The following ACVR1 variants were observed in gnomAD, a reference collection of about 807,000 sequenced individuals.
ACVR1 encodes the protein activin receptor type-1.
Under a neutral mutation model 57.1 loss-of-function variants are expected in ACVR1, and 38 were observed. The observed-to-expected ratio is 0.67, with a 90% CI of 0.51 to 0.87. The LOEUF (loss-of-function observed/expected upper bound fraction) is 0.87, where lower values mean the gene tolerates loss of function less well. Among genes scored for constraint, ACVR1 ranks in the 40% least tolerant of loss-of-function variants. The pLI, the probability that ACVR1 is intolerant of heterozygous loss-of-function variation, is 0.00. For synonymous variants in ACVR1, 212 were observed against 228.1 expected (o/e 0.93, Z 0.63); for missense variants, 463 against 638.2 (o/e 0.73, Z 2.96).
intron 5 of ACVR1, among the ~76,000 whole-genome samples, chr2:157,776,089 G>A (rs1686276031): frequency 6.6e-6 from 1 of 152,162 alleles, no homozygotes; most frequent in East Asian, 1.9e-4. Flanking sequence ...ATACAAATGA[G>A]CATATTGCTT....
chr2:157,853,801 G>T (rs1689409152), intron 1 of ACVR1, among the ~76,000 whole-genome samples: 1 of 152,154 alleles, frequency 6.6e-6, no homozygotes, highest in South Asian at 2.1e-4. Context: ...TTCCCAGCTG[G>T]TACTATGCTC....
At chr2:157,766,517 A>T (rs906134603) in intron 7 of ACVR1, among the ~76,000 whole-genome samples, 8 of 152,216 alleles carry the variant, frequency 5.3e-5, no homozygotes, top group African/African-American at 1.9e-4. Context: ...GCCCTTCAGC[A>T]TGTTGATATT....
intron 1 of ACVR1, among the ~76,000 whole-genome samples, chr2:157,859,436 T>A (rs1481475971): frequency 2.6e-5 from 4 of 152,222 alleles, no homozygotes; most frequent in African/African-American, 9.6e-5. Context: ...TGGGGGGCTA[T>A]GCCTATGGAG....
chr2:157,871,545 C>T (rs1690113851), intron 1 of ACVR1, among the ~76,000 whole-genome samples: 1 of 152,166 alleles, frequency 6.6e-6, no homozygotes, highest in African/African-American at 2.4e-5. Flanking sequence ...TTCCCAGTCA[C>T]AGAAATAAAG....
At chr2:157,784,355 A>G (rs550963529) in intron 3 of ACVR1, among the ~76,000 whole-genome samples, 1 of 152,354 alleles carries the variant, frequency 6.6e-6, no homozygotes, top group South Asian at 2.1e-4. Context: ...AACAGTACTG[A>G]CAGGAAGCAC....
At chr2:157,753,188 T>A (rs1448309818) in intron 9 of ACVR1, among the ~76,000 whole-genome samples, 2 of 152,084 alleles carry the variant, frequency 1.3e-5, no homozygotes, top group Admixed American at 1.3e-4. Context: ...AAACAAACTT[T>A]AAAGCAACAT....
chr2:157,794,701 A>G (rs1687038805), intron 3 of ACVR1, among the ~76,000 whole-genome samples: 1 of 152,210 alleles, frequency 6.6e-6, no homozygotes, highest in African/African-American at 2.4e-5. Flanking sequence ...GAAATTATGC[A>G]TGAAAGCTAG....
At chr2:157,773,616 C>T (rs1418030781) in intron 6 of ACVR1, among the ~76,000 whole-genome samples, 1 of 152,020 alleles carries the variant, frequency 6.6e-6, no homozygotes, top group Non-Finnish European at 1.5e-5. Flanking sequence ...GTATATAGCT[C>T]ATATTTAAAT....
chr2:157,851,500 A>G (rs931304286), intron 1 of ACVR1, among the ~76,000 whole-genome samples: 12 of 152,162 alleles, frequency 7.9e-5, no homozygotes, highest in African/African-American at 2.2e-4. Context: ...AGTGGAAGCT[A>G]TGGAGACATT....
At chr2:157,867,467 T>A (rs980555274) in intron 1 of ACVR1, among the ~76,000 whole-genome samples, 3 of 152,122 alleles carry the variant, frequency 2.0e-5, no homozygotes, top group African/African-American at 7.2e-5. Flanking sequence ...ACACCGAGCC[T>A]CAGTGTCTGG....
intron 1 of ACVR1, among the ~76,000 whole-genome samples, chr2:157,832,258 G>A (rs1463614034): frequency 6.6e-6 from 1 of 152,064 alleles, no homozygotes. Flanking sequence ...GCAAATCACC[G>A]CCAACTTCAG....
chr2:157,821,809 G>C (rs1208551097), intron 1 of ACVR1, among the ~76,000 whole-genome samples: 1 of 152,114 alleles, frequency 6.6e-6, no homozygotes, highest in East Asian at 1.9e-4. Flanking sequence ...CTCTAATTTT[G>C]GGCATTTAAC....
At chr2:157,873,274 C>T (rs1690170516) in intron 1 of ACVR1, among the ~76,000 whole-genome samples, 1 of 152,152 alleles carries the variant, frequency 6.6e-6, no homozygotes, top group Non-Finnish European at 1.5e-5. Context: ...CTGAAATTTG[C>T]CAAGCCTCAA....
At chr2:157,742,801 C>T (rs140243853) in intron 9 of ACVR1, among the ~76,000 whole-genome samples, 2 of 152,280 alleles carry the variant, frequency 1.3e-5, no homozygotes, top group African/African-American at 4.8e-5. Context: ...GATCTTGCCC[C>T]CGAGGTCCTG....
chr2:157,791,951 AT>A (rs967760253), intron 3 of ACVR1, among the ~76,000 whole-genome samples: 8 of 151,990 alleles, frequency 5.3e-5, no homozygotes, highest in Non-Finnish European at 1.2e-4. Flanking sequence ...ACTGTTGGTA[AT>A]TTTTTTTCTA....
intron 6 of ACVR1, among the ~76,000 whole-genome samples, chr2:157,772,909 G>A (rs1686126152): frequency 6.6e-6 from 1 of 152,160 alleles, no homozygotes; most frequent in African/African-American, 2.4e-5. Flanking sequence ...TGTGCCTTGG[G>A]GCAGCAGCCA....
intron 1 of ACVR1, among the ~76,000 whole-genome samples, chr2:157,820,454 G>A (rs946648291): frequency 6.6e-6 from 1 of 152,078 alleles, no homozygotes; most frequent in Non-Finnish European, 1.5e-5. Context: ...TCCTGCCTAG[G>A]GTCAACCATG....
At chr2:157,757,419 G>A (rs1266911450) in intron 9 of ACVR1, among the ~76,000 whole-genome samples, 1 of 151,706 alleles carries the variant, frequency 6.6e-6, no homozygotes, top group East Asian at 1.9e-4. Context: ...AAAAGATTCA[G>A]CCCAAAATGG....
intron 9 of ACVR1, among the ~76,000 whole-genome samples, chr2:157,742,442 G>GT (rs1290357047): frequency 6.6e-6 from 1 of 152,170 alleles, no homozygotes; most frequent in Non-Finnish European, 1.5e-5. Flanking sequence ...GGCGGCCAGC[G>GT]TGACTCAAAG....
Sources: gnomAD v4.1 joint callset for allele counts (sites outside exome capture counted in the v4.1 genomes callset) on GRCh38, gnomAD v4.1.1 for gene constraint, MANE v1.5 for transcripts, NCBI Gene and HGNC (gene_info 2026-07-23, HGNC 2026-07-21) for gene names.